The following HECW1 variants were observed in gnomAD, a reference collection of about 807,000 sequenced individuals.
HECW1 encodes the protein E3 ubiquitin-protein ligase HECW1.
HECW1 carries 61 observed loss-of-function variants against 182.3 expected under a neutral mutation model. The observed-to-expected ratio is 0.33, with a 90% CI of 0.27 to 0.41. The LOEUF (loss-of-function observed/expected upper bound fraction) is 0.41, where lower values mean the gene tolerates loss of function less well. HECW1 is among the 10% of genes least tolerant of loss of function. The pLI is 1.00. For missense variants in HECW1, 1,739 were observed against 2,108.9 expected (o/e 0.82, Z 3.44); for synonymous variants, 859 against 832.6 (o/e 1.03, Z -0.55).
At chr7:43,447,254 C>T (rs1216295631) in intron 11 of HECW1, among the ~76,000 whole-genome samples, 3 of 151,290 alleles carry the variant, frequency 2.0e-5, no homozygotes, top group Non-Finnish European at 2.9e-5. Context: ...TTTTTTGGCC[C>T]CCATGTTGGG....
intron 2 of HECW1, among the ~76,000 whole-genome samples, chr7:43,227,591 CATAT>C (rs1467328112): frequency 2.0e-5 from 3 of 152,078 alleles, no homozygotes; most frequent in East Asian, 1.9e-4. Flanking sequence ...TATGTTAATT[CATAT>C]ATAGTTTATG....
rs112942689 is a variant in HECW1, at chr7:43,444,668, G to A, written c.1496G>A (p.Arg499Lys). 2.0e-3 allele frequency: 3,182 copies of A among 1,605,566 alleles called. 54 individuals are homozygous for A. In the African/African-American group the frequency reaches 0.037, roughly 19 times the overall value. ...EEATTQSRAG[R>K]EEEEKEQEEE... ...GCAACGACCCAGAGCCGGGCTGGAA[G>A]GGAAGAAGAGGAGAAGGAGCAGGAG... is the stretch of plus-strand genomic sequence containing the variant. Residue 499 changes from arginine to lysine, a missense_variant, in exon 11 of 30, where the codon AGG becomes AAG. This residue lies in a region of HECW1 where 971 missense variants were observed against 1,029.1 expected (regional missense o/e 0.94). Coordinates refer to ENST00000395891, the MANE Select transcript of HECW1 (RefSeq NM_015052.5). The surrounding 1 kb of genome is among the most constrained non-coding windows in gnomAD (Gnocchi z 4.3).
intron 2 of HECW1, among the ~76,000 whole-genome samples, chr7:43,131,796 A>G (rs151184712): frequency 6.6e-6 from 1 of 152,334 alleles, no homozygotes; most frequent in Non-Finnish European, 1.5e-5. Flanking sequence ...AGGTGCAGCC[A>G]GGTGACTCCT....
chr7:43,209,479 G>A (rs933858282), intron 2 of HECW1, among the ~76,000 whole-genome samples: 2 of 152,050 alleles, frequency 1.3e-5, no homozygotes, highest in African/African-American at 4.8e-5. Context: ...GGTATCTCGC[G>A]GCTCCTGTCT....
chr7:43,249,427 A>C (rs1584173511), intron 3 of HECW1: 1 of 152,274 alleles, frequency 6.6e-6, no homozygotes, highest in Non-Finnish European at 1.5e-5. Context: ...CTGAGCCTGC[A>C]CTTTAAGAAG....
chr7:43,331,449 C>T (rs1321994972), intron 5 of HECW1, among the ~76,000 whole-genome samples: 7 of 151,814 alleles, frequency 4.6e-5, no homozygotes, highest in South Asian at 2.1e-4. Context: ...AAAAATTAGC[C>T]GGACGTGGTG....
chr7:43,339,378 A>C (rs1202179102), intron 5 of HECW1, among the ~76,000 whole-genome samples: 1 of 152,046 alleles, frequency 6.6e-6, no homozygotes, highest in Admixed American at 6.6e-5. Context: ...TTTCTGCTCT[A>C]CCTGATCTCC....
intron 2 of HECW1, among the ~76,000 whole-genome samples, chr7:43,184,462 G>T (rs964295466): frequency 1.1e-4 from 16 of 152,178 alleles, no homozygotes; most frequent in African/African-American, 3.9e-4. Flanking sequence ...ATTTCCTGAG[G>T]TAGAGTTTCT....
chr7:43,248,788 C>T (rs1414080685), intron 3 of HECW1: 1 of 152,532 alleles, frequency 6.6e-6, no homozygotes, highest in Non-Finnish European at 1.5e-5. Flanking sequence ...TGTTTCCCCT[C>T]CCCCTCCTCA....
intron 2 of HECW1, among the ~76,000 whole-genome samples, chr7:43,143,434 C>G (rs570675628): frequency 6.6e-6 from 1 of 152,286 alleles, no homozygotes; most frequent in African/African-American, 2.4e-5. Flanking sequence ...CAGGGATGCA[C>G]CACCATGCCT....
intron 2 of HECW1, among the ~76,000 whole-genome samples, chr7:43,210,979 G>T (rs1482617371): frequency 6.6e-6 from 1 of 152,214 alleles, no homozygotes; most frequent in Non-Finnish European, 1.5e-5. Context: ...ACCCAAAGAG[G>T]GTAGCCGATG....
chr7:43,503,690 C>A (rs1381813038), intron 21 of HECW1, among the ~76,000 whole-genome samples: 3 of 151,272 alleles, frequency 2.0e-5, no homozygotes, highest in Non-Finnish European at 4.4e-5. Context: ...AATCCCCATT[C>A]TCTTAGACTG....
At chr7:43,129,831 C>CTA (rs1786707085) in intron 2 of HECW1, among the ~76,000 whole-genome samples, 1 of 152,140 alleles carries the variant, frequency 6.6e-6, no homozygotes, top group African/African-American at 2.4e-5. Flanking sequence ...TGCCCATAAG[C>CTA]TACATACATC....
chr7:43,210,108 C>T (rs551919337), intron 2 of HECW1, among the ~76,000 whole-genome samples: 10 of 152,210 alleles, frequency 6.6e-5, no homozygotes, highest in Non-Finnish European at 1.0e-4. Context: ...CGGACCCAGC[C>T]GTATGTGGGG....
At chr7:43,240,255 G>A (rs377609011) in intron 2 of HECW1, among the ~76,000 whole-genome samples, 38 of 152,070 alleles carry the variant, frequency 2.5e-4, no homozygotes, top group African/African-American at 7.7e-4. Context: ...GGAGAATGGC[G>A]TGAACCCGGG....
chr7:43,456,278 C>T lies in HECW1; in HGVS notation c.2501-19C>T. On this transcript the variant is annotated intron_variant, in intron 12 of 29. Transcript: ENST00000395891. ...AGTTTGTCCTTGATTTTTCTTTTTGCCTTTTTATTAAACACTAGACTGGGA... is the reference window on the plus strand; with the variant it reads ...AGTTTGTCCTTGATTTTTCTTTTTGTCTTTTTATTAAACACTAGACTGGGA... 1.9e-6 allele frequency: 3 copies of T among 1,540,526 alleles called. No homozygotes were observed. Among genetic ancestry groups the T allele is most frequent in the African/African-American group, 1.6e-5 (1 of 64,430 alleles).
At chr7:43,201,725 T>C (rs1795030646) in intron 2 of HECW1, among the ~76,000 whole-genome samples, 1 of 152,216 alleles carries the variant, frequency 6.6e-6, no homozygotes, top group Admixed American at 6.5e-5. Context: ...AGAATTTGTC[T>C]GCAATGACTT....
In HECW1 at chr7:43,479,590, T is replaced by G. The variant is rs1341257327; in HGVS notation, c.3100-20T>G. ...TATTCTCACACCACACGGTGCTTTT[T>G]TTCACTGGTCTGTTCGCAGTCTTTT... On this transcript the variant is annotated intron_variant, in intron 16 of 29. Coordinates refer to ENST00000395891, the MANE Select transcript of HECW1 (RefSeq NM_015052.5). 3 of 1,613,974 alleles carry G rather than the reference T, an allele frequency of 1.9e-6. No individual in the cohort carries two copies. The highest frequency in any genetic ancestry group is 8.5e-7 in the Non-Finnish European group (1 of 1,179,902).
At chr7:43,528,999 A>G (rs1171844323) in intron 24 of HECW1, among the ~76,000 whole-genome samples, 2 of 152,160 alleles carry the variant, frequency 1.3e-5, no homozygotes, top group South Asian at 2.1e-4. Flanking sequence ...CCAAAACAGT[A>G]TCTGAATAAA....
Sources: gnomAD v4.1 joint callset for allele counts (sites outside exome capture counted in the v4.1 genomes callset) on GRCh38, gnomAD v4.1.1 for gene constraint, gnomAD v4.1.1 regional missense constraint, Gnocchi (gnomAD v3.1) non-coding constraint, MANE v1.5 for transcripts, NCBI Gene and HGNC (gene_info 2026-07-23, HGNC 2026-07-21) for gene names.